Variants in SLC9C1 observed in about 807,000 individuals in gnomAD.
The protein encoded by SLC9C1 is sodium/hydrogen exchanger 10.
Under a neutral mutation model 140.9 loss-of-function variants are expected in SLC9C1, and 97 were observed. The ratio of observed to expected loss-of-function variants is 0.69; its 90% confidence interval spans 0.58 to 0.82. The LOEUF (loss-of-function observed/expected upper bound fraction) is 0.82. Among genes scored for constraint, SLC9C1 ranks in the 40% least tolerant of loss-of-function variants. The pLI is 0.00. For missense variants in SLC9C1, 1,340 were observed against 1,389.3 expected (o/e 0.96, Z 0.56); for synonymous variants, 440 against 442.6 (o/e 0.99, Z 0.07).
intron 10 of SLC9C1, among the ~76,000 whole-genome samples, chr3:112,247,563 A>T (rs1263878548): frequency 1.3e-5 from 2 of 152,158 alleles, no homozygotes; most frequent in African/African-American, 4.8e-5. Flanking sequence ...AAGCTGCACA[A>T]TTGAGTAGTG....
intron 20 of SLC9C1, among the ~76,000 whole-genome samples, chr3:112,188,596 T>C (rs919729805): frequency 2.0e-5 from 3 of 152,216 alleles, no homozygotes; most frequent in Non-Finnish European, 2.9e-5. Context: ...TAGTATTCCA[T>C]GGTGTATATG....
intron 10 of SLC9C1, among the ~76,000 whole-genome samples, chr3:112,259,415 C>CT (rs1332905241): frequency 8.2e-6 from 1 of 122,522 alleles, no homozygotes; most frequent in African/African-American, 2.7e-5. Context: ...GTTTACCTAT[C>CT]TAAAAAAAAA....
At position 112,185,572 on chromosome 3, in the gene SLC9C1, C is replaced by G; in HGVS notation, c.2524-3314G>C. 1.9e-6 allele frequency: 3 copies of G among 1,611,492 alleles called. No individual in the cohort carries two copies. In the East Asian group the frequency reaches 6.7e-5, roughly 36 times the overall value. On this transcript the variant is annotated intron_variant, in intron 20 of 28. Coordinates refer to ENST00000305815, the MANE Select transcript of SLC9C1 (RefSeq NM_183061.3). ...CTCCGCAGCACACACACTGTGGGCA[C>G]CTGTGCCCGGGGTCCCAGGGCTCGC... is the stretch of plus-strand genomic sequence containing the variant.
intron 23 of SLC9C1, among the ~76,000 whole-genome samples, chr3:112,176,912 G>A (rs999837859): frequency 6.6e-6 from 1 of 151,362 alleles, no homozygotes; most frequent in African/African-American, 2.4e-5. Context: ...ATTCTTTCTG[G>A]TCTCTCAGCT....
chr3:112,252,746 C>G (rs1370660255), intron 10 of SLC9C1, among the ~76,000 whole-genome samples: 1 of 152,144 alleles, frequency 6.6e-6, no homozygotes, highest in African/African-American at 2.4e-5. Flanking sequence ...GTCAAGGTGA[C>G]CAGGGACTGG....
intron 13 of SLC9C1, among the ~76,000 whole-genome samples, chr3:112,228,203 A>G (rs145621873): frequency 4.2e-4 from 64 of 152,250 alleles, no homozygotes; most frequent in African/African-American, 1.5e-3. Flanking sequence ...AAAAACAGGC[A>G]CACAGACCAA....
chr3:112,240,278 GT>G (rs1168617484), intron 11 of SLC9C1, among the ~76,000 whole-genome samples: 1 of 152,210 alleles, frequency 6.6e-6, no homozygotes, highest in Non-Finnish European at 1.5e-5. Context: ...CATGCATTAA[GT>G]TTTTGGTTAT....
At chr3:112,279,463 G>T (rs2080302421) in intron 3 of SLC9C1, among the ~76,000 whole-genome samples, 1 of 152,062 alleles carries the variant, frequency 6.6e-6, no homozygotes, top group Non-Finnish European at 1.5e-5. Context: ...CATTGACATG[G>T]GTACTAAAGA....
chr3:112,231,510 A>G, intron 12 of SLC9C1, 24 bp from the exon 13 acceptor site: 1 of 1,574,268 alleles, frequency 6.4e-7, no homozygotes, highest in Non-Finnish European at 8.6e-7. Flanking sequence ...AAATAAAAGA[A>G]CAAAAAATAC....
intron 10 of SLC9C1, among the ~76,000 whole-genome samples, chr3:112,256,490 G>A (rs917899504): frequency 6.6e-6 from 1 of 152,120 alleles, no homozygotes; most frequent in African/African-American, 2.4e-5. Flanking sequence ...CTCCATAGAT[G>A]CAGAAAAGAC....
At chr3:112,237,785 C>G (rs1301329062) in intron 12 of SLC9C1, among the ~76,000 whole-genome samples, 1 of 152,154 alleles carries the variant, frequency 6.6e-6, no homozygotes, top group African/African-American at 2.4e-5. Flanking sequence ...AATATTGGCC[C>G]CCACTCTGTT....
intron 21 of SLC9C1, among the ~76,000 whole-genome samples, 188 bp from the exon 22 acceptor site, chr3:112,180,850 G>C (rs2077426002): frequency 1.3e-5 from 2 of 152,116 alleles, no homozygotes; most frequent in Non-Finnish European, 2.9e-5. Flanking sequence ...AAGGAGAATT[G>C]CTTGAGCCAA....
At chr3:112,167,447 GA>G in intron 25 of SLC9C1, 100 bp from the exon 26 acceptor site, 1 of 1,114,886 alleles carries the variant, frequency 9.0e-7, no homozygotes, top group African/African-American at 1.6e-5. Flanking sequence ...AGGTATCTGG[GA>G]AAAATGGAAA....
intron 7 of SLC9C1, among the ~76,000 whole-genome samples, chr3:112,266,916 A>G (rs1198674937): frequency 6.6e-6 from 1 of 152,200 alleles, no homozygotes; most frequent in Admixed American, 6.5e-5. Flanking sequence ...TGGTAAAGAA[A>G]GTTCTCCACT....
At chr3:112,177,397 G>T (rs748897654) in intron 23 of SLC9C1, among the ~76,000 whole-genome samples, 1 of 151,718 alleles carries the variant, frequency 6.6e-6, no homozygotes, top group Non-Finnish European at 1.5e-5. Flanking sequence ...CTCAACCAAG[G>T]ACTTGTAGAG....
intron 26 of SLC9C1, among the ~76,000 whole-genome samples, chr3:112,155,675 A>C (rs775014734): frequency 5.3e-4 from 80 of 152,208 alleles, no homozygotes; most frequent in Non-Finnish European, 4.9e-4. Flanking sequence ...AACGCTCAGG[A>C]ATGGGAGGCC....
intron 23 of SLC9C1, among the ~76,000 whole-genome samples, chr3:112,175,241 A>G (rs2077314089): frequency 6.6e-6 from 1 of 152,134 alleles, no homozygotes; most frequent in African/African-American, 2.4e-5. Context: ...GTCCCTAGTC[A>G]CCTCGGACTT....
intron 13 of SLC9C1, 129 bp from the exon 14 acceptor site, chr3:112,221,354 T>C: frequency 3.9e-6 from 3 of 771,524 alleles, no homozygotes; most frequent in Non-Finnish European, 6.1e-6. Context: ...AAAAGAATAT[T>C]TCTATGGAGT....
intron 8 of SLC9C1, among the ~76,000 whole-genome samples, chr3:112,264,975 T>A (rs2079878007): frequency 6.6e-6 from 1 of 151,886 alleles, no homozygotes; most frequent in East Asian, 1.9e-4. Flanking sequence ...AGAATGGTGA[T>A]AGAGTAATAT....
Sources: allele counts gnomAD v4.1 joint callset (sites outside exome capture counted in the v4.1 genomes callset), GRCh38; gene constraint gnomAD v4.1.1; transcripts MANE v1.5; gene names NCBI Gene and HGNC (gene_info 2026-07-23, HGNC 2026-07-21).